HDAC9: variants seen among roughly 807,000 people sequenced by gnomAD.
The protein encoded by HDAC9 is MEF-2 interacting transcription repressor (MITR) protein.
HDAC9 carries 41 observed loss-of-function variants against 139.4 expected under a neutral mutation model. That is an observed-to-expected ratio of 0.29 (90% confidence interval 0.23 to 0.38). HDAC9 has a LOEUF of 0.38. Among genes scored for constraint, HDAC9 ranks in the 10% least tolerant of loss-of-function variants. The pLI is 1.00. For missense variants in HDAC9, 1,147 were observed against 1,297.0 expected (o/e 0.88, Z 1.78); for synonymous variants, 517 against 476.2 (o/e 1.09, Z -1.12).
chr7:18,788,835 C>G (rs3852250), intron 16 of HDAC9, among the ~76,000 whole-genome samples: 106,656 of 151,380 alleles, frequency 0.7, 39,560 homozygotes, highest in Non-Finnish European at 0.83. Flanking sequence ...AAACATTTTT[C>G]TCTCTCGTTT....
At chr7:18,937,071 G>T (rs2051923) in intron 23 of HDAC9, among the ~76,000 whole-genome samples, 1 of 128,496 alleles carries the variant, frequency 7.8e-6, no homozygotes, top group Non-Finnish European at 1.6e-5. Flanking sequence ...ATAGAGTCTC[G>T]CTCTGTCGCC....
At chr7:18,722,894 T>A (rs926711788) in intron 12 of HDAC9, among the ~76,000 whole-genome samples, 1 of 152,194 alleles carries the variant, frequency 6.6e-6, no homozygotes, top group Non-Finnish European at 1.5e-5. Context: ...CCTAATAAAG[T>A]GTTTGGAAGA....
At chr7:18,819,205 A>G (rs185907575) in intron 17 of HDAC9, among the ~76,000 whole-genome samples, 4,316 of 152,272 alleles carry the variant, frequency 0.028, 102 homozygotes, top group Non-Finnish European at 0.043. Flanking sequence ...ACTTGAACCC[A>G]GGAGGCGGAG....
At chr7:18,933,429 T>C (rs547189976) in intron 22 of HDAC9, among the ~76,000 whole-genome samples, 1 of 152,186 alleles carries the variant, frequency 6.6e-6, no homozygotes, top group South Asian at 2.1e-4. Context: ...CTGGGGTCCC[T>C]TTTGTAAGGG....
intron 1 of HDAC9, among the ~76,000 whole-genome samples, chr7:18,110,359 T>C (rs1030613133): frequency 4.6e-5 from 7 of 152,160 alleles, no homozygotes; most frequent in Admixed American, 3.3e-4. Flanking sequence ...CAGAGTGTTA[T>C]CAAAGTACAG....
chr7:18,705,031 A>C (rs896082284), intron 12 of HDAC9, among the ~76,000 whole-genome samples: 1 of 152,258 alleles, frequency 6.6e-6, no homozygotes. Flanking sequence ...AGAGACAAGT[A>C]AAATTATTTT....
intron 22 of HDAC9, among the ~76,000 whole-genome samples, chr7:18,922,153 C>T (rs1585316740): frequency 1.3e-5 from 2 of 151,754 alleles, no homozygotes; most frequent in South Asian, 4.2e-4. Context: ...GGGTGCAGCA[C>T]ACCAACATGG....
At chr7:18,431,216 A>G (rs1790628304) in intron 1 of HDAC9, among the ~76,000 whole-genome samples, 1 of 152,246 alleles carries the variant, frequency 6.6e-6, no homozygotes, top group Non-Finnish European at 1.5e-5. Context: ...AGGAACTTAC[A>G]GATAAATGAA....
chr7:18,897,001 A>G (rs533737123), intron 22 of HDAC9, among the ~76,000 whole-genome samples: 8 of 152,236 alleles, frequency 5.3e-5, no homozygotes, highest in African/African-American at 1.4e-4. Flanking sequence ...TCTGCATACA[A>G]TGACATTGTA....
intron 7 of HDAC9, among the ~76,000 whole-genome samples, chr7:18,633,138 G>A (rs910841133): frequency 6.6e-6 from 1 of 151,964 alleles, no homozygotes; most frequent in African/African-American, 2.4e-5. Flanking sequence ...AATAGAAAAG[G>A]GATAAAGTCA....
At chr7:18,748,693 G>A (rs1788188540) in intron 13 of HDAC9, among the ~76,000 whole-genome samples, 1 of 152,120 alleles carries the variant, frequency 6.6e-6, no homozygotes, top group African/African-American at 2.4e-5. Flanking sequence ...TAAAATACTG[G>A]TAAGATTACA....
intron 1 of HDAC9, among the ~76,000 whole-genome samples, chr7:18,332,392 T>TGTGA (rs1491466092): frequency 1.3e-4 from 12 of 90,552 alleles, no homozygotes; most frequent in African/African-American, 4.9e-4. Context: ...TGTGTGTGTG[T>TGTGA]GAGAGAGAGA....
At chr7:18,326,495 A>T (rs1403436121) in intron 1 of HDAC9, among the ~76,000 whole-genome samples, 1 of 151,982 alleles carries the variant, frequency 6.6e-6, no homozygotes, top group East Asian at 1.9e-4. Flanking sequence ...ACCAATTCTC[A>T]ATTCCTCTTC....
At chr7:18,881,569 T>C (rs556617800) in intron 22 of HDAC9, among the ~76,000 whole-genome samples, 3 of 152,232 alleles carry the variant, frequency 2.0e-5, no homozygotes, top group East Asian at 1.9e-4. Flanking sequence ...CTAATGACTC[T>C]ATACCTATCT....
chr7:18,116,720 C>A (rs1256798176), intron 1 of HDAC9, among the ~76,000 whole-genome samples: 1 of 152,030 alleles, frequency 6.6e-6, no homozygotes, highest in Non-Finnish European at 1.5e-5. Flanking sequence ...TAGCCTAACT[C>A]CCCTTCACCA....
intron 17 of HDAC9, among the ~76,000 whole-genome samples, chr7:18,794,540 G>A (rs2022162077): frequency 6.6e-6 from 1 of 152,180 alleles, no homozygotes; most frequent in South Asian, 2.1e-4. Flanking sequence ...AGATGTGCCT[G>A]TATATATTTG....
chr7:18,887,679 G>A (rs547937327), intron 22 of HDAC9, among the ~76,000 whole-genome samples: 3 of 152,102 alleles, frequency 2.0e-5, no homozygotes, highest in African/African-American at 7.2e-5. Context: ...AAATACATTT[G>A]GAATCTTATG....
intron 14 of HDAC9, among the ~76,000 whole-genome samples, chr7:18,757,006 G>A (rs551825915): frequency 4.1e-4 from 62 of 152,144 alleles, no homozygotes; most frequent in African/African-American, 1.4e-3. Context: ...GAAGCAGTTG[G>A]TTGGAGCATT....
chr7:18,487,532 T>A (rs1796062199), intron 1 of HDAC9, among the ~76,000 whole-genome samples: 1 of 152,014 alleles, frequency 6.6e-6, no homozygotes, highest in Admixed American at 6.6e-5. Flanking sequence ...TAGAGAAGAT[T>A]CCATAACCAT....
Sources: gnomAD v4.1 joint callset for allele counts (sites outside exome capture counted in the v4.1 genomes callset) on GRCh38, gnomAD v4.1.1 for gene constraint, MANE v1.5 for transcripts, NCBI Gene and HGNC (gene_info 2026-07-23, HGNC 2026-07-21) for gene names.